USP22: variants seen among roughly 807,000 people sequenced by gnomAD.
USP22 encodes ubiquitin specific peptidase 22, also known as ubiquitin carboxyl-terminal hydrolase 22.
USP22 carries 22 observed loss-of-function variants against 68.1 expected under a neutral mutation model. The ratio of observed to expected loss-of-function variants is 0.32; its 90% confidence interval spans 0.23 to 0.46. USP22 has a LOEUF of 0.46. Ranked by LOEUF, USP22 falls within the 20% of genes least tolerant of loss-of-function variation. The probability of loss-of-function intolerance (pLI) is 1.00; values close to 1 mark genes in which losing one functional copy is unlikely to be tolerated. For missense variants in USP22, 433 were observed against 695.8 expected (o/e 0.62, Z 4.25); for synonymous variants, 279 against 274.2 (o/e 1.02, Z -0.17).
intron 11 of USP22, among the ~76,000 whole-genome samples, 176 bp from the exon 12 acceptor site, chr17:21,004,527 C>T (rs935627834): frequency 6.6e-6 from 1 of 152,188 alleles, no homozygotes; most frequent in Non-Finnish European, 1.5e-5. Context: ...GCCTGGTCAC[C>T]CCCCTTGGCT....
At chr17:21,042,471 G>A (rs1257314265) in intron 1 of USP22, among the ~76,000 whole-genome samples, 194 bp downstream of exon 1, 3 of 144,242 alleles carry the variant, frequency 2.1e-5, no homozygotes, top group South Asian at 2.3e-4. Flanking sequence ...GATAAGGGAA[G>A]GGAGAGAGTT....
chr17:21,022,190 A>T (rs1300990313), intron 2 of USP22, among the ~76,000 whole-genome samples: 2 of 152,186 alleles, frequency 1.3e-5, no homozygotes, highest in East Asian at 3.8e-4. Flanking sequence ...TATAAATTTC[A>T]ATTTTCTAAA....
intron 9 of USP22, among the ~76,000 whole-genome samples, chr17:21,007,541 G>A (rs551291742): frequency 1.6e-4 from 24 of 152,292 alleles, no homozygotes; most frequent in African/African-American, 5.8e-4. Flanking sequence ...TGCATGCTGA[G>A]GGCCTTTGTC....
chr17:21,011,216 C>G lies in USP22; in HGVS notation c.1038G>C (p.Glu346Asp). Residue 346 changes from glutamate (E) to aspartate (D), a missense_variant, in exon 8 of 13, where the codon GAG becomes GAC. Coordinates refer to ENST00000261497, the MANE Select transcript of USP22 (RefSeq NM_015276.2). ...GGCTTTCCCCGTTTACCACGTTGCC[C>G]TCGCTCCCTGGGCTCAGGGGCCAGA... ...TPFWPLSPGS[E>D]GNVVNGESHV... 1 of 1,612,190 alleles carries G rather than the reference C, an allele frequency of 6.2e-7. No individual in the cohort carries two copies. The highest frequency in any genetic ancestry group is 8.5e-7 in the Non-Finnish European group (1 of 1,179,118).
At chr17:21,018,923 C>T (rs1972121251) in intron 4 of USP22, among the ~76,000 whole-genome samples, 161 bp downstream of exon 4, 1 of 152,218 alleles carries the variant, frequency 6.6e-6, no homozygotes, top group Non-Finnish European at 1.5e-5. Flanking sequence ...CAGGTCCCTG[C>T]AGAGAACAGG....
chr17:21,039,272 A>G (rs1862403157), intron 1 of USP22, among the ~76,000 whole-genome samples: 1 of 151,688 alleles, frequency 6.6e-6, no homozygotes, highest in South Asian at 2.1e-4. Flanking sequence ...ATAGTCTGCA[A>G]TACAAGAGTT....
At chr17:21,011,444 C>T in intron 7 of USP22, 135 bp from the exon 8 acceptor site, 1 of 1,188,166 alleles carries the variant, frequency 8.4e-7, no homozygotes, top group Non-Finnish European at 1.2e-6. Context: ...TGGGATGGGG[C>T]AGGAGCAAGA....
At position 21,004,252 on chromosome 17, in the gene USP22, G is replaced by A. The variant is rs1238293941; in HGVS notation, c.1485C>T (p.Asp495=). The A allele has an allele frequency of 8.1e-6, 13 of 1,614,052 alleles. No homozygotes were observed. In the East Asian group the frequency reaches 2.0e-4, roughly 25 times the overall value. Residue 495 remains aspartate (D), a synonymous_variant, in exon 12 of 13, where the codon GAC becomes GAT. Transcript: ENST00000261497. ...TGCTGGCCTTGGTGATGATGGCATC[G>A]TCACACTTGAACCACTGGTCTTTGT... The part of the protein sequence containing the change: ...RQHKDQWFKC[D]DAIITKASIK...
At chr17:21,022,182 T>C (rs1200807831) in intron 2 of USP22, among the ~76,000 whole-genome samples, 2 of 152,212 alleles carry the variant, frequency 1.3e-5, no homozygotes, top group Non-Finnish European at 2.9e-5. Flanking sequence ...TATGTATGTA[T>C]AAATTTCAAT....
At chr17:21,007,487 T>C (rs1354554718) in intron 9 of USP22, among the ~76,000 whole-genome samples, 3 of 152,216 alleles carry the variant, frequency 2.0e-5, no homozygotes, top group Non-Finnish European at 4.4e-5. Flanking sequence ...TCTTCAGTTA[T>C]CTGGGCCTTT....
Position 21,002,939 on chromosome 17 carries a change from G to A in USP22, c.*92C>T, listed in dbSNP as rs1913640747. On this transcript the variant is annotated 3_prime_UTR_variant, in exon 13 of 13. Transcript: ENST00000261497. ...GGTGTCACCAGGCCGGGGAGGCGGC[G>A]GGAGACTTGGGGGAGGGGGGGGCCA... The A allele has an allele frequency of 2.9e-5, 44 of 1,501,234 alleles. 1 individual carries two copies. The South Asian group carries it at 4.9e-4, about 17-fold the overall frequency. 93.0% of individuals were successfully genotyped at this position (1,501,234 alleles called of 1,614,324 possible).
intron 3 of USP22, among the ~76,000 whole-genome samples, chr17:21,020,800 C>T (rs1388861692): frequency 6.6e-6 from 1 of 152,120 alleles, no homozygotes; most frequent in Non-Finnish European, 1.5e-5. Context: ...GCAGGTGCGC[C>T]CTGGGAGAGC....
rs1258166106 is a variant in USP22 at position 21,002,595 on chromosome 17, C to T, written c.*436G>A. ...CACCAACAGAAAGGCATCTGCAAGG[C>T]CCTCTGTCCCGCACACTACACCTCT... is the stretch of plus-strand genomic sequence containing the variant. On this transcript the variant is annotated 3_prime_UTR_variant, in exon 13 of 13. Transcript: ENST00000261497. 5.9e-6 allele frequency: 1 copy of T among 170,506 alleles called. No homozygotes were observed. Among genetic ancestry groups the T allele is most frequent in the Non-Finnish European group, 1.3e-5 (1 of 79,264 alleles). 10.6% of individuals were successfully genotyped at this position (170,506 alleles called of 1,614,324 possible).
intron 12 of USP22, among the ~76,000 whole-genome samples, chr17:21,003,540 C>A (rs1234158793): frequency 6.6e-6 from 1 of 152,192 alleles, no homozygotes; most frequent in Admixed American, 6.5e-5. Flanking sequence ...GTCCCCCTGA[C>A]CCCTGGAGGG....
intron 2 of USP22, 97 bp from the exon 3 acceptor site, chr17:21,021,323 C>G: frequency 2.5e-6 from 2 of 784,354 alleles, no homozygotes; most frequent in Non-Finnish European, 4.4e-6. Context: ...TCTGTAGATA[C>G]TGACTGTTCA....
Position 21,004,780 on chromosome 17 carries a change from CG to C in USP22, c.1385+147del. On this transcript the variant is annotated intron_variant, in intron 11 of 12. Transcript: ENST00000261497. The stretch of plus-strand genomic sequence containing the variant: ...GGAGCGGCCTTTCCTAGTGGAGCTG[CG>C]GGCAGCCAATAGTGGAGCTGCGGGC... 3.5e-5 allele frequency: 3 copies of C among 85,640 alleles called. 1 individual carries two copies. Among genetic ancestry groups the C allele is most frequent in the South Asian group, 4.9e-4 (1 of 2,036 alleles). The allele number at this position is 85,640 out of a possible 1,614,324, so 5.3% of individuals were successfully genotyped here.
At chr17:21,033,893 C>T (rs964053331) in intron 1 of USP22, among the ~76,000 whole-genome samples, 31 of 151,952 alleles carry the variant, frequency 2.0e-4, no homozygotes, top group African/African-American at 6.0e-4. Context: ...GGACTACGGG[C>T]GCGTGCCACC....
At chr17:21,034,470 A>G (rs1972329906) in intron 1 of USP22, among the ~76,000 whole-genome samples, 1 of 152,248 alleles carries the variant, frequency 6.6e-6, no homozygotes, top group Non-Finnish European at 1.5e-5. Context: ...AGTTACCCAC[A>G]GTCAACCTCA....
intron 1 of USP22, among the ~76,000 whole-genome samples, chr17:21,040,754 G>A (rs1972417876): frequency 6.6e-6 from 1 of 152,138 alleles, no homozygotes; most frequent in African/African-American, 2.4e-5. Context: ...GGAGGGAGAG[G>A]AAGAGTGGGG....
Sources: allele counts gnomAD v4.1 joint callset (sites outside exome capture counted in the v4.1 genomes callset), GRCh38; gene constraint gnomAD v4.1.1; transcripts MANE v1.5; gene names NCBI Gene and HGNC (gene_info 2026-07-23, HGNC 2026-07-21).